MAPKBP1: variants seen among roughly 807,000 people sequenced by gnomAD.
The protein encoded by MAPKBP1 is mitogen-activated protein kinase binding protein 1.
MAPKBP1 carries 71 observed loss-of-function variants against 170.5 expected under a neutral mutation model. The ratio of observed to expected loss-of-function variants is 0.42; its 90% CI spans 0.34 to 0.51. MAPKBP1 has a LOEUF of 0.51. Ranked by LOEUF, MAPKBP1 falls within the 20% of genes least tolerant of loss-of-function variation. The pLI is 0.06. For synonymous variants in MAPKBP1, 719 were observed against 757.9 expected, an observed-to-expected ratio of 0.95 and a Z score of 0.84; for missense variants, 1,598 against 1,933.0, an observed-to-expected ratio of 0.83 and a Z score of 3.25.
intron 2 of MAPKBP1, among the ~76,000 whole-genome samples, chr15:41,786,507 G>A (rs1386101507): frequency 6.6e-6 from 1 of 151,838 alleles, no homozygotes; most frequent in Non-Finnish European, 1.5e-5. Flanking sequence ...GCTCACACCT[G>A]TAATCCCAGC....
intron 3 of MAPKBP1, among the ~76,000 whole-genome samples, chr15:41,805,651 A>T (rs752050239): frequency 7.2e-5 from 11 of 152,222 alleles, no homozygotes; most frequent in Admixed American, 1.3e-4. Flanking sequence ...AGCCCATGTT[A>T]AAATTGATTC....
intron 3 of MAPKBP1, among the ~76,000 whole-genome samples, chr15:41,810,003 T>G (rs2064774528): frequency 1.3e-5 from 2 of 152,382 alleles, no homozygotes; most frequent in South Asian, 4.1e-4. Context: ...CCCATCTTAC[T>G]GAGCCTCTCT....
chr15:41,812,081 C>A lies in MAPKBP1; in HGVS notation c.452C>A (p.Ser151Tyr). The A allele has an allele frequency of 6.2e-7, 1 of 1,614,120 alleles. No individual in the cohort carries two copies. Among genetic ancestry groups the A allele is most frequent in the Non-Finnish European group, 8.5e-7 (1 of 1,180,034 alleles). The change falls in exon 6 of 31, where the codon TCT becomes TAT. Residue 151 changes from serine to tyrosine, a missense_variant. By Grantham distance (144) the Ser-to-Tyr change is moderately radical. Transcript: ENST00000457542. Reference sequence around the variant, plus strand: ...TCTCCTAGCGCCAAGTACATTGTCTCTGTGGGCTACCAGCATGACATGATC... The same window carrying A: ...TCTCCTAGCGCCAAGTACATTGTCTATGTGGGCTACCAGCATGACATGATC... ...AFSPSAKYIV[S>Y]VGYQHDMIVN...
At chr15:41,813,288 TG>T in intron 8 of MAPKBP1, 187 bp downstream of exon 8, 2 of 1,527,992 alleles carry the variant, frequency 1.3e-6, no homozygotes, top group Non-Finnish European at 1.8e-6. Flanking sequence ...GCCTCCTCTC[TG>T]CTCTTTCTGT....
In MAPKBP1 at chr15:41,781,662, C is replaced by G. The variant is rs1163794340; in HGVS notation, c.114+6273C>G. Among the ~76,000 whole-genome samples, 3 of 152,046 alleles carry G rather than the reference C, an allele frequency of 2.0e-5. No individual in the cohort carries two copies. The East Asian group carries it at 5.8e-4, about 29-fold the overall frequency. On this transcript the variant is annotated intron_variant, in intron 2 of 30. Transcript: ENST00000457542. The stretch of plus-strand genomic sequence containing the variant: ...CATCTTAAAAACAAACAAAAACTGT[C>G]TGCCCCTCTGTTTATAATTGAGATT...
Position 41,811,284 on chromosome 15 carries a change from G to C in MAPKBP1, c.327+49G>C, listed in dbSNP as rs749773191. ...GTACTGTAAAGAGGGCAGGTGTCCT[G>C]GCCTCCGCAGAGAGCTGCGGTCCTA... On this transcript the variant is annotated intron_variant, in intron 5 of 30. Coordinates refer to ENST00000457542, the MANE Select transcript of MAPKBP1 (RefSeq NM_014994.3). 3.7e-6 allele frequency: 6 copies of C among 1,605,438 alleles called. No individual in the cohort carries two copies. The South Asian group carries it at 4.4e-5, about 12-fold the overall frequency.
rs1166211001 is a variant in MAPKBP1 at position 41,822,629 on chromosome 15, G to A, written c.3266G>A (p.Arg1089Gln). The change falls in exon 27 of 31, where the codon CGG (arginine) becomes CAG (glutamine). Residue 1089 changes from arginine (R) to glutamine (Q), a missense_variant. This residue lies in a region of MAPKBP1 where 942 missense variants were observed against 953.2 expected (regional missense o/e 0.99). Coordinates refer to ENST00000457542, the MANE Select transcript of MAPKBP1 (RefSeq NM_014994.3). ...PVQVPERSESRSISSRFLLQV... is the reference protein window; with the variant it reads ...PVQVPERSESQSISSRFLLQV... ...CAGGTCCCAGAGAGGTCAGAGTCTC[G>A]GAGTATCTCTTCACGATTCCTGTTG... 1.9e-6 allele frequency: 3 copies of A among 1,613,998 alleles called. No individual in the cohort carries two copies. The highest frequency in any genetic ancestry group is 1.7e-5 in the Admixed American group (1 of 60,018).
rs1470139196 is a variant in MAPKBP1, at chr15:41,815,430, C to T, written c.1317+25C>T. ...TGTGAGCCCTGAGGCTGTGGGGCCC[C>T]GCTTCACCCTCAGTGCCCCCATCCC... is the stretch of plus-strand genomic sequence containing the variant. On this transcript the variant is annotated intron_variant, in intron 11 of 30. Coordinates refer to ENST00000457542, the MANE Select transcript of MAPKBP1 (RefSeq NM_014994.3). 6.2e-6 allele frequency: 10 copies of T among 1,611,772 alleles called. No individual in the cohort carries two copies. The Admixed American group carries it at 6.7e-5, about 11-fold the overall frequency.
Position 41,823,480 on chromosome 15 carries a change from C to G in MAPKBP1, c.3632C>G (p.Pro1211Arg), listed in dbSNP as rs1249974476. 1.2e-6 allele frequency: 2 copies of G among 1,613,722 alleles called. No homozygotes were observed. Among genetic ancestry groups the G allele is most frequent in the Non-Finnish European group, 1.7e-6 (2 of 1,179,856 alleles). Residue 1211 changes from proline to arginine, a missense_variant, in exon 29 of 31, where the codon CCA becomes CGA. By Grantham distance (103) the Pro-to-Arg change is moderately radical. Around this residue, in one of 6 missense-constraint regions of MAPKBP1, gnomAD observed 942 missense variants for 953.2 expected, o/e 0.99. Coordinates refer to ENST00000457542, the MANE Select transcript of MAPKBP1 (RefSeq NM_014994.3). Reference protein sequence around the residue: ...RHEASLQAPSPGALLSREIEA... With the variant: ...RHEASLQAPSRGALLSREIEA... ...GAGGCCAGTCTGCAGGCCCCTTCAC[C>G]AGGCGCACTGCTGTCTCGGGAGATC...
chr15:41,815,138 CA>C (rs1225128836), intron 10 of MAPKBP1, 120 bp from the exon 11 acceptor site: 1 of 1,186,900 alleles, frequency 8.4e-7, no homozygotes, highest in Non-Finnish European at 1.2e-6. Flanking sequence ...TGGCCTGTGA[CA>C]GGCACTGGGC....
intron 2 of MAPKBP1, among the ~76,000 whole-genome samples, chr15:41,792,020 A>G (rs967842620): frequency 1.1e-4 from 16 of 150,676 alleles, no homozygotes; most frequent in African/African-American, 3.9e-4. Flanking sequence ...GTGCCATTGC[A>G]GTCTAGCCTG....
chr15:41,789,113 C>T (rs1034274185), intron 2 of MAPKBP1, among the ~76,000 whole-genome samples: 1 of 152,172 alleles, frequency 6.6e-6, no homozygotes, highest in Non-Finnish European at 1.5e-5. Context: ...ACTTTGCACA[C>T]TTAGTCCAGA....
chr15:41,775,216 C>A lies in MAPKBP1; in HGVS notation c.-60C>A. 7.3e-7 allele frequency: 1 copy of A among 1,378,832 alleles called. No individual in the cohort carries two copies. The allele number at this position is 1,378,832 out of a possible 1,614,324, so 85.4% of individuals were successfully genotyped here. A position where few individuals can be genotyped will look rare whatever the true frequency, so the allele number is the denominator to read the frequency against. Reference sequence around the variant, plus strand: ...GCCCTCTGGAGTGGGAAGACAGTGCCGCTGTTGAGACAAGACCCAGGACTG... The same window carrying A: ...GCCCTCTGGAGTGGGAAGACAGTGCAGCTGTTGAGACAAGACCCAGGACTG... On this transcript the variant is annotated 5_prime_UTR_variant, in exon 2 of 31. Transcript: ENST00000457542.
intron 2 of MAPKBP1, among the ~76,000 whole-genome samples, chr15:41,776,930 T>C (rs2064107991): frequency 6.6e-6 from 1 of 152,222 alleles, no homozygotes; most frequent in African/African-American, 2.4e-5. Flanking sequence ...AAAGAGCTTA[T>C]GGCTAGTCAG....
chr15:41,784,734 A>C (rs982795236), intron 2 of MAPKBP1, among the ~76,000 whole-genome samples: 2 of 142,816 alleles, frequency 1.4e-5, no homozygotes, highest in Non-Finnish European at 3.0e-5. Flanking sequence ...GTGAGCCGAG[A>C]TGGCGCCACT....
chr15:41,815,527 T>C (rs2064875530), intron 11 of MAPKBP1, 97 bp from the exon 12 acceptor site: 1 of 1,550,918 alleles, frequency 6.4e-7, no homozygotes, highest in Non-Finnish European at 8.8e-7. Context: ...TTGGCTGTGC[T>C]CTGTGGTCCA....
At chr15:41,794,360 A>T (rs1264436281) in intron 2 of MAPKBP1, among the ~76,000 whole-genome samples, 1 of 152,208 alleles carries the variant, frequency 6.6e-6, no homozygotes, top group African/African-American at 2.4e-5. Context: ...TTATAGAAGG[A>T]TGTTGCTCAT....
chr15:41,819,270 T>G lies in MAPKBP1; in HGVS notation c.2316T>G (p.Ser772=), dbSNP rs1454047282. ...PNRHQAPSML[S]PGPALSSDSD... is the part of the protein sequence containing the mutation. ...GGCACCAGGCCCCATCAATGCTGTC[T>G]CCTGGACCGGCTCTCTCATCAGACA... The change falls in exon 21 of 31, where the codon TCT becomes TCG. Residue 772 remains serine, a synonymous_variant. Coordinates refer to ENST00000457542, the MANE Select transcript of MAPKBP1 (RefSeq NM_014994.3). The G allele has an allele frequency of 6.2e-7, 1 of 1,613,966 alleles. No individual in the cohort carries two copies. The highest frequency in any genetic ancestry group is 8.5e-7 in the Non-Finnish European group (1 of 1,180,032).
chr15:41,781,348 G>A (rs2064183945), intron 2 of MAPKBP1, among the ~76,000 whole-genome samples: 1 of 151,380 alleles, frequency 6.6e-6, no homozygotes, highest in Non-Finnish European at 1.5e-5. Flanking sequence ...AGTGTGCAAT[G>A]CTTTTTTTGG....
Sources: allele counts gnomAD v4.1 joint callset (sites outside exome capture counted in the v4.1 genomes callset), GRCh38; gene constraint gnomAD v4.1.1; regional missense constraint gnomAD v4.1.1; transcripts MANE v1.5; gene names NCBI Gene and HGNC (gene_info 2026-07-23, HGNC 2026-07-21).